Variants in DTX1 observed in about 807,000 individuals in gnomAD.
DTX1 encodes deltex E3 ubiquitin ligase 1, also known as E3 ubiquitin-protein ligase DTX1.
Under a neutral mutation model 57.8 loss-of-function variants are expected in DTX1, and 26 were observed. That is an observed-to-expected ratio of 0.45 (90% confidence interval 0.33 to 0.62). The LOEUF is 0.62. DTX1 is among the 20% of genes least tolerant of loss of function. DTX1 has a pLI of 0.02. For synonymous variants in DTX1, 398 were observed against 394.1 expected, an observed-to-expected ratio of 1.01 and a Z score of -0.12; for missense variants, 704 against 895.3, an observed-to-expected ratio of 0.79 and a Z score of 2.73.
chr12:113,087,209 G>A (rs1444195123), intron 3 of DTX1, among the ~76,000 whole-genome samples: 1 of 152,154 alleles, frequency 6.6e-6, no homozygotes, highest in Non-Finnish European at 1.5e-5. Context: ...CTCCCGAGGG[G>A]ACTTTTACAT....
rs60642403 is a variant in DTX1 at position 113,072,696 on chromosome 12, C to CTTTTTTTTT, written c.260-4711_260-4703dup. Among the ~76,000 whole-genome samples the CTTTTTTTTT allele has an allele frequency of 1.8e-4, 13 of 71,112 alleles. 1 individual carries two copies. Among genetic ancestry groups the CTTTTTTTTT allele is most frequent in the African/African-American group, 4.7e-4 (9 of 19,178 alleles). The allele number at this position is 71,112 out of a possible 152,430, so 46.7% of individuals were successfully genotyped here. On this transcript the variant is annotated intron_variant, in intron 2 of 9. Coordinates refer to ENST00000548759, the MANE Select transcript of DTX1 (RefSeq NM_004416.3). ...ATTTGCACAAGACCTGAGAGATTTT[C>CTTTTTTTTT]TTTTTTTTTTTTTTTTTTTTTTTTT...
At chr12:113,063,488 G>C (rs576694003) in intron 2 of DTX1, among the ~76,000 whole-genome samples, 78 of 152,336 alleles carry the variant, frequency 5.1e-4, no homozygotes, top group African/African-American at 1.7e-3. Context: ...GCTGGGGAGG[G>C]GCACCTATCT....
chr12:113,068,168 A>C (rs2044716647), intron 2 of DTX1, among the ~76,000 whole-genome samples: 1 of 152,258 alleles, frequency 6.6e-6, no homozygotes, highest in Non-Finnish European at 1.5e-5. Context: ...AGTTAGGTTC[A>C]TTCAGATGTA....
chr12:113,093,685 A>C lies in DTX1; in HGVS notation c.1150A>C (p.Lys384Gln), dbSNP rs780787756. 8.7e-6 allele frequency: 14 copies of C among 1,613,510 alleles called. No individual in the cohort carries two copies. Among genetic ancestry groups the C allele is most frequent in the Admixed American group, 6.7e-5 (4 of 59,980 alleles). The change falls in exon 5 of 10, where the codon AAG becomes CAG. Residue 384 changes from lysine (K) to glutamine (Q), a missense_variant. Physicochemically the swap from Lys to Gln is moderately conservative, Grantham distance 53. This residue lies in a region of DTX1 where 299 missense variants were observed against 311.2 expected (regional missense o/e 0.96). Coordinates refer to ENST00000548759, the MANE Select transcript of DTX1 (RefSeq NM_004416.3). This position sits in a 1 kb window ranked among gnomAD's most constrained non-coding sequence, Gnocchi z 4.2. The stretch of plus-strand genomic sequence containing the variant: ...CGGGGTGTGCCGCAAGACCAAGAAG[A>C]AGCACCTTAAAAAGAGTACGCCCTC... ...VPGVCRKTKK[K>Q]HLKKSKNPED...
intron 2 of DTX1, among the ~76,000 whole-genome samples, chr12:113,076,787 T>C (rs1246741797): frequency 6.6e-6 from 1 of 152,176 alleles, no homozygotes; most frequent in South Asian, 2.1e-4. Flanking sequence ...GTGCTTAAAT[T>C]AATGAACTAA....
chr12:113,096,586 G>A (rs1950297766), intron 9 of DTX1, 129 bp from the exon 10 acceptor site: 6 of 764,146 alleles, frequency 7.9e-6, no homozygotes, highest in African/African-American at 3.5e-5. Flanking sequence ...CCAGCAGTAC[G>A]TAGTTGGTGC....
chr12:113,078,175 G>A, intron 3 of DTX1, 70 bp downstream of exon 3: 6 of 1,156,190 alleles, frequency 5.2e-6, no homozygotes, highest in Non-Finnish European at 6.5e-6. Flanking sequence ...GGGGGTGGTT[G>A]GCCACTAGGG....
In DTX1 at chr12:113,087,048, G is replaced by A. The variant is rs374856244; in HGVS notation, c.942-6114G>A. ...CTGCCCTCCCCTCCCCTACCTGACC[G>A]GTCCTCCCTGCCCCCAACCATCTCC... is the stretch of plus-strand genomic sequence containing the variant. On this transcript the variant is annotated intron_variant, in intron 3 of 9. Coordinates refer to ENST00000548759, the MANE Select transcript of DTX1 (RefSeq NM_004416.3). Among the ~76,000 whole-genome samples the A allele has an allele frequency of 1.3e-4, 20 of 151,442 alleles. No individual in the cohort carries two copies. The South Asian group carries it at 1.7e-3, about 13-fold the overall frequency.
chr12:113,086,760 A>G (rs960597746), intron 3 of DTX1, among the ~76,000 whole-genome samples: 1 of 152,072 alleles, frequency 6.6e-6, no homozygotes, highest in Non-Finnish European at 1.5e-5. Context: ...AGGGGTTTGA[A>G]AATGTTAAAG....
chr12:113,075,621 G>A (rs1258359900), intron 2 of DTX1, among the ~76,000 whole-genome samples: 5 of 152,204 alleles, frequency 3.3e-5, no homozygotes, highest in African/African-American at 9.6e-5. Flanking sequence ...AGGGGAGCAC[G>A]CAGAGCTTTG....
Position 113,093,741 on chromosome 12 carries a change from C to G in DTX1, c.1165+41C>G. 1 of 1,606,412 alleles carries G rather than the reference C, an allele frequency of 6.2e-7. No homozygotes were observed. The highest frequency in any genetic ancestry group is 1.1e-5 in the South Asian group (1 of 90,192). On this transcript the variant is annotated intron_variant, in intron 5 of 9. Transcript: ENST00000548759. The surrounding 1 kb of genome is among the most constrained non-coding windows in gnomAD (Gnocchi z 4.2). ...CCTGCCTCACACGAGATGAACCCCA[C>G]TAAGCCTTGACCACAACTCTGTGAC...
At chr12:113,079,547 A>ATTTTTTTTTTT (rs2044800694) in intron 3 of DTX1, among the ~76,000 whole-genome samples, 1 of 49,314 alleles carries the variant, frequency 2.0e-5, no homozygotes, top group African/African-American at 1.2e-4. Context: ...TTTTTTTTTG[A>ATTTTTTTTTTT]GATACAGTTT....
intron 9 of DTX1, 173 bp downstream of exon 9, chr12:113,095,587 TC>T (rs1217210717): frequency 2.5e-6 from 2 of 798,460 alleles, no homozygotes; most frequent in Non-Finnish European, 3.9e-6. Flanking sequence ...TTATCTCGTT[TC>T]CTGAGCCACT....
In DTX1 at chr12:113,095,409, C is replaced by T. The variant is rs773710321; in HGVS notation, c.1633C>T (p.Arg545Trp). ...HCYLPNNEKG[R>W]KVLRLLITAW... ...CTATCTACCCAACAACGAGAAAGGC[C>T]GGAAGGTGGGTGCCCAGCCGTGAGG... is the stretch of plus-strand genomic sequence containing the variant. The change falls in exon 9 of 10, where the codon CGG (arginine) becomes TGG (tryptophan). Residue 545 changes from arginine to tryptophan, a missense_variant. By Grantham distance (101) the Arg-to-Trp change is moderately radical. Coordinates refer to ENST00000548759, the MANE Select transcript of DTX1 (RefSeq NM_004416.3). 8 of 1,614,066 alleles carry T rather than the reference C, an allele frequency of 5.0e-6. No individual in the cohort carries two copies. In the Admixed American group the frequency reaches 6.7e-5, roughly 13 times the overall value.
intron 6 of DTX1, 87 bp downstream of exon 6, chr12:113,094,186 C>A: frequency 8.1e-7 from 1 of 1,233,286 alleles, no homozygotes; most frequent in South Asian, 1.4e-5. Flanking sequence ...CTGGGTGATA[C>A]AGAGCTCTTC....
chr12:113,093,530 A>G lies in DTX1; in HGVS notation c.1004-9A>G. ...GCCCCGCCCTGTGACTGCGCCCCCTAACCCCCAGGGATGACCGGGATACTG... is the reference window on the plus strand; with the variant it reads ...GCCCCGCCCTGTGACTGCGCCCCCTGACCCCCAGGGATGACCGGGATACTG... On this transcript the variant is annotated splice_polypyrimidine_tract_variant and intron_variant, in intron 4 of 9. Coordinates refer to ENST00000548759, the MANE Select transcript of DTX1 (RefSeq NM_004416.3). The surrounding 1 kb of genome is among the most constrained non-coding windows in gnomAD (Gnocchi z 4.2). 6.3e-7 allele frequency: 1 copy of G among 1,581,972 alleles called. No homozygotes were observed. The highest frequency in any genetic ancestry group is 8.6e-7 in the Non-Finnish European group (1 of 1,162,438).
chr12:113,097,189 A>C lies in DTX1; in HGVS notation c.*250A>C. The C allele has an allele frequency of 2.0e-6, 1 of 508,204 alleles. No homozygotes were observed. Among genetic ancestry groups the C allele is most frequent in the East Asian group, 3.4e-5 (1 of 29,792 alleles). The allele number at this position is 508,204 out of a possible 1,614,324, so 31.5% of individuals were successfully genotyped here. A position where few individuals can be genotyped will look rare whatever the true frequency, so the allele number is the denominator to read the frequency against. On this transcript the variant is annotated 3_prime_UTR_variant, in exon 10 of 10. Transcript: ENST00000548759. Reference sequence around the variant, plus strand: ...AAACCTCCCTACCAAAAAGACAGAGACCCGCCCCCTCACACACAAACACAC... The same window carrying C: ...AAACCTCCCTACCAAAAAGACAGAGCCCCGCCCCCTCACACACAAACACAC...
chr12:113,071,842 C>T (rs539836416), intron 2 of DTX1, among the ~76,000 whole-genome samples: 1 of 152,348 alleles, frequency 6.6e-6, no homozygotes, highest in South Asian at 2.1e-4. Context: ...CAGCAGCTGC[C>T]CTAATTACTC....
At chr12:113,069,111 C>A (rs1467729986) in intron 2 of DTX1, among the ~76,000 whole-genome samples, 1 of 152,226 alleles carries the variant, frequency 6.6e-6, no homozygotes, top group Admixed American at 6.5e-5. Context: ...CAGCGCCTGG[C>A]ACATAGTAGG....
Sources: allele counts gnomAD v4.1 joint callset (sites outside exome capture counted in the v4.1 genomes callset), GRCh38; gene constraint gnomAD v4.1.1; regional missense constraint gnomAD v4.1.1; non-coding constraint Gnocchi (gnomAD v3.1); transcripts MANE v1.5; gene names NCBI Gene and HGNC (gene_info 2026-07-23, HGNC 2026-07-21).